CALN1: variants seen among roughly 807,000 people sequenced by gnomAD.
CALN1 encodes the protein calcium-binding protein 8.
In CALN1, 17 loss-of-function variants were observed where a neutral mutation model predicts 30.6. The ratio of observed to expected loss-of-function variants is 0.56; its 90% CI spans 0.38 to 0.83. CALN1 has a LOEUF of 0.83. CALN1 is among the 40% of genes least tolerant of loss of function. The probability of loss-of-function intolerance (pLI) is 0.00; values close to 1 mark genes in which losing one functional copy is unlikely to be tolerated. For missense variants in CALN1, 291 were observed against 354.9 expected (o/e 0.82, Z 1.45); for synonymous variants, 156 against 131.4 (o/e 1.19, Z -1.28).
chr7:72,066,622 C>T (rs1217457380), intron 4 of CALN1, among the ~76,000 whole-genome samples: 1 of 151,854 alleles, frequency 6.6e-6, no homozygotes, highest in Non-Finnish European at 1.5e-5. Flanking sequence ...ATGTATGACT[C>T]TTTTTTAAGA....
In CALN1 at chr7:72,309,241, A is replaced by C. The variant is rs184791709; in HGVS notation, c.120-30431T>G. Among the ~76,000 whole-genome samples the C allele has an allele frequency of 2.6e-5, 4 of 152,260 alleles. No homozygotes were observed. In the East Asian group the frequency reaches 7.7e-4, roughly 29 times the overall value. On this transcript the variant is annotated intron_variant, in intron 2 of 6. Transcript: ENST00000395275. ...GAGCCAGATGGAGAAGACACAACTAAAGGCATTCATTTATCCTAGAAATCC... is the reference window on the plus strand; with the variant it reads ...GAGCCAGATGGAGAAGACACAACTACAGGCATTCATTTATCCTAGAAATCC...
At chr7:72,336,686 G>A (rs939522225) in intron 2 of CALN1, 3 of 985,586 alleles carry the variant, frequency 3.0e-6, no homozygotes, top group Non-Finnish European at 3.6e-6. Context: ...AAGCTAGGGA[G>A]CCGGCGGCGG....
At chr7:71,804,497 GACTCTCTTTAT>G (rs1474651756) in intron 6 of CALN1, among the ~76,000 whole-genome samples, 2 of 152,102 alleles carry the variant, frequency 1.3e-5, no homozygotes, top group Non-Finnish European at 2.9e-5. Flanking sequence ...GACACAGCAG[GACTCTCTTTAT>G]TTTATTAAAA....
At chr7:71,902,271 A>G (rs1174450496) in intron 5 of CALN1, among the ~76,000 whole-genome samples, 1 of 125,252 alleles carries the variant, frequency 8.0e-6, no homozygotes, top group African/African-American at 3.2e-5. Context: ...CAACCAATCA[A>G]AAAAAAAAAA....
chr7:72,298,291 C>T (rs547808609), intron 2 of CALN1, among the ~76,000 whole-genome samples: 1 of 152,298 alleles, frequency 6.6e-6, no homozygotes, highest in Non-Finnish European at 1.5e-5. Flanking sequence ...AAATAAGACG[C>T]ACACTTTGTT....
intron 2 of CALN1, among the ~76,000 whole-genome samples, chr7:72,329,418 T>A (rs1172461399): frequency 6.6e-6 from 1 of 152,206 alleles, no homozygotes; most frequent in African/African-American, 2.4e-5. Flanking sequence ...CTCAGTGGCT[T>A]CTACTGAACT....
At chr7:71,895,527 T>C (rs2116907325) in intron 5 of CALN1, among the ~76,000 whole-genome samples, 1 of 152,336 alleles carries the variant, frequency 6.6e-6, no homozygotes, top group African/African-American at 2.4e-5. Context: ...GAAGCACCTC[T>C]CATGTATCAC....
chr7:72,477,339 G>T, the CALN1 span, among the ~76,000 whole-genome samples: 3 of 152,256 alleles, frequency 2.0e-5, no homozygotes, highest in Non-Finnish European at 2.9e-5. Context: ...CAGAGAGAAG[G>T]CATGTGAGGC....
intron 2 of CALN1, among the ~76,000 whole-genome samples, chr7:72,338,499 G>GT (rs1160420528): frequency 6.9e-6 from 1 of 145,284 alleles, no homozygotes; most frequent in Non-Finnish European, 1.5e-5. Context: ...GTGTGTGTGT[G>GT]TGTGTGTGTG....
intron 3 of CALN1, among the ~76,000 whole-genome samples, chr7:72,206,497 AT>A (rs1159567334): frequency 2.0e-5 from 3 of 152,092 alleles, no homozygotes; most frequent in African/African-American, 7.2e-5. Flanking sequence ...ACTCTTTGAA[AT>A]TTTGCCAAAT....
chr7:72,055,411 T>C (rs115901825), intron 4 of CALN1, among the ~76,000 whole-genome samples: 3,043 of 152,032 alleles, frequency 0.02, 87 homozygotes, highest in African/African-American at 0.07. Flanking sequence ...AAGTTAAACA[T>C]AAATATGGTA....
At chr7:72,050,042 C>A (rs1251785884) in intron 4 of CALN1, among the ~76,000 whole-genome samples, 1 of 151,610 alleles carries the variant, frequency 6.6e-6, no homozygotes, top group Non-Finnish European at 1.5e-5. Flanking sequence ...TGGTCTTGAA[C>A]TCCTGACCAC....
chr7:72,224,810 C>A (rs964185027), intron 3 of CALN1, among the ~76,000 whole-genome samples: 1 of 151,866 alleles, frequency 6.6e-6, no homozygotes, highest in East Asian at 1.9e-4. Context: ...AGGATAAGGC[C>A]GGGCACGGTG....
chr7:71,886,773 C>CAAA (rs1314583586), intron 5 of CALN1, among the ~76,000 whole-genome samples: 2 of 98,330 alleles, frequency 2.0e-5, no homozygotes, highest in Non-Finnish European at 2.2e-5. Flanking sequence ...GACTCCATCT[C>CAAA]AAAAAAAAAA....
chr7:72,369,861 C>T (rs1804115703), intron 2 of CALN1, among the ~76,000 whole-genome samples: 1 of 152,176 alleles, frequency 6.6e-6, no homozygotes, highest in East Asian at 1.9e-4. Flanking sequence ...TGTTAATCCA[C>T]TAACCTATTG....
intron 3 of CALN1, among the ~76,000 whole-genome samples, chr7:72,207,970 AACAG>A (rs1247054387): frequency 6.6e-6 from 1 of 152,218 alleles, no homozygotes. Context: ...ACTCCAGTAT[AACAG>A]ACATAAAGGC....
chr7:72,504,182 C>T, the CALN1 span, among the ~76,000 whole-genome samples: 1 of 152,166 alleles, frequency 6.6e-6, no homozygotes, highest in Admixed American at 6.5e-5. Context: ...CAAAGGCAAA[C>T]GGATTGCTGT....
intron 5 of CALN1, among the ~76,000 whole-genome samples, chr7:71,914,167 ATACAT>A (rs1794570892): frequency 6.6e-6 from 1 of 152,140 alleles, no homozygotes. Flanking sequence ...TAAGCCTAGT[ATACAT>A]TAATTATTTT....
In CALN1 at chr7:72,403,579, G is replaced by A. The variant is rs538103558; in HGVS notation, c.-73-137C>T. On this transcript the variant is annotated intron_variant, in intron 1 of 6. Transcript: ENST00000395275. The stretch of plus-strand genomic sequence containing the variant: ...TGGTAGAAACACAATCCTGGCACAA[G>A]AAATATAATTACAGTTGAGACACAT... The A allele has an allele frequency of 1.5e-3, 689 of 454,708 alleles. 5 individuals carry two copies. The highest frequency in any genetic ancestry group is 7.2e-3 in the Middle Eastern group (13 of 1,810). The allele number at this position is 454,708 out of a possible 1,614,324, so 28.2% of individuals were successfully genotyped here. A position where few individuals can be genotyped will look rare whatever the true frequency, so the allele number is the denominator to read the frequency against.
Sources: allele counts gnomAD v4.1 joint callset (sites outside exome capture counted in the v4.1 genomes callset), GRCh38; gene constraint gnomAD v4.1.1; transcripts MANE v1.5; gene names NCBI Gene and HGNC (gene_info 2026-07-23, HGNC 2026-07-21).